Variants in ADGRB2 observed in about 807,000 individuals in gnomAD.
The protein encoded by ADGRB2 is brain-specific angiogenesis inhibitor 2.
Under a neutral mutation model 178.7 loss-of-function variants are expected in ADGRB2, and 47 were observed. The observed-to-expected ratio is 0.26, with a 90% CI of 0.21 to 0.34. ADGRB2 has a LOEUF of 0.34. Among genes scored for constraint, ADGRB2 ranks in the 10% least tolerant of loss-of-function variants. The probability of loss-of-function intolerance (pLI) is 1.00; values close to 1 mark genes in which losing one functional copy is unlikely to be tolerated. For synonymous variants in ADGRB2, 870 were observed against 912.4 expected (o/e 0.95, Z 0.84); for missense variants, 1,584 against 2,180.8 (o/e 0.73, Z 5.45).
intron 4 of ADGRB2, among the ~76,000 whole-genome samples, chr1:31,747,332 C>A (rs1047003329): frequency 6.6e-6 from 1 of 152,148 alleles, no homozygotes; most frequent in Non-Finnish European, 1.5e-5. Flanking sequence ...GCTCCCAAAT[C>A]ATCATCCCCA....
intron 17 of ADGRB2, 69 bp downstream of exon 17, chr1:31,738,518 G>C: frequency 6.4e-7 from 1 of 1,555,324 alleles, no homozygotes; most frequent in African/African-American, 1.4e-5. Context: ...CTTTTAGGCA[G>C]GAGACCCCTT....
chr1:31,751,285 A>C (rs1425915452), intron 4 of ADGRB2, among the ~76,000 whole-genome samples: 1 of 152,206 alleles, frequency 6.6e-6, no homozygotes, highest in Non-Finnish European at 1.5e-5. Context: ...GCGGCTCACA[A>C]ATGTGCCATT....
rs781095810 is a variant in ADGRB2 at position 31,737,634 on chromosome 1, G to T, written c.2876+18C>A. 12 of 1,613,350 alleles carry T rather than the reference G, an allele frequency of 7.4e-6. No homozygotes were observed. The highest frequency in any genetic ancestry group is 1.0e-5 in the Non-Finnish European group (12 of 1,179,448). ...TGCCCCCCCTCCCCCAGCCACAAGA[G>T]CCAGGTGTCAGACCTACCTCCAAAA... On this transcript the variant is annotated intron_variant, in intron 19 of 32. Coordinates refer to ENST00000373658, the MANE Select transcript of ADGRB2 (RefSeq NM_001364857.2).
chr1:31,763,952 A>C lies in ADGRB2; in HGVS notation c.-259T>G. The C allele has an allele frequency of 1.0e-6, 1 of 985,046 alleles. No homozygotes were observed. Among genetic ancestry groups the C allele is most frequent in the Non-Finnish European group, 1.2e-6 (1 of 829,890 alleles). The allele number at this position is 985,046 out of a possible 1,614,324, so 61.0% of individuals were successfully genotyped here. A position where few individuals can be genotyped will look rare whatever the true frequency, so the allele number is the denominator to read the frequency against. On this transcript the variant is annotated 5_prime_UTR_variant, in exon 1 of 33. The change abolishes an upstream ATG in the 5' untranslated region. Transcript: ENST00000373658. The stretch of plus-strand genomic sequence containing the variant: ...GGCGGCCACGGGGCGCAAGTTTGCC[A>C]TCCCTAAGTCGGGGACCGGGCCGGG...
In ADGRB2 at chr1:31,742,975, G is replaced by A. The variant is rs1189287708; in HGVS notation, c.1115C>T (p.Ser372Phe). 2 of 1,528,802 alleles carry A rather than the reference G, an allele frequency of 1.3e-6. No individual in the cohort carries two copies. Among genetic ancestry groups the A allele is most frequent in the Non-Finnish European group, 8.8e-7 (1 of 1,136,668 alleles). The allele number at this position is 1,528,802 out of a possible 1,614,324, so 94.7% of individuals were successfully genotyped here. A position where few individuals can be genotyped will look rare whatever the true frequency, so the allele number is the denominator to read the frequency against. Residue 372 changes from serine (S) to phenylalanine (F), a missense_variant, in exon 7 of 33, where the codon TCC becomes TTC. Ser to Phe is a radical substitution (Grantham distance 155). Transcript: ENST00000373658. ...GCAGCTGCGGGAGCACAGGCTCCAGGACCCCCACTCCTCCCACACGCCGTG... is the reference window on the plus strand; with the variant it reads ...GCAGCTGCGGGAGCACAGGCTCCAGAACCCCCACTCCTCCCACACGCCGTG... ...PVHGVWEEWG[S>F]WSLCSRSCGR...
chr1:31,747,812 T>C (rs900224305), intron 4 of ADGRB2, among the ~76,000 whole-genome samples: 2 of 152,242 alleles, frequency 1.3e-5, no homozygotes, highest in African/African-American at 4.8e-5. Flanking sequence ...TTTGTAATCT[T>C]GACTCCCCAT....
At position 31,759,428 on chromosome 1, in the gene ADGRB2, C is replaced by A; in HGVS notation, c.-190-1917G>T. 1 of 776,514 alleles carries A rather than the reference C, an allele frequency of 1.3e-6. No individual in the cohort carries two copies. Among genetic ancestry groups the A allele is most frequent in the Non-Finnish European group, 2.4e-6 (1 of 416,116 alleles). 48.1% of individuals were successfully genotyped at this position (776,514 alleles called of 1,614,324 possible). A position where few individuals can be genotyped will look rare whatever the true frequency, so the allele number is the denominator to read the frequency against. On this transcript the variant is annotated intron_variant, in intron 1 of 32. Transcript: ENST00000373658. This position sits in a 1 kb window ranked among gnomAD's most constrained non-coding sequence, Gnocchi z 4.3. ...TGAAGCTGGATCTCCCTCCCCTACC[C>A]TGCTCCTAGGCTGCTGCTCCCTACT...
rs1195661982 is a variant in ADGRB2, at chr1:31,754,346, G to A, written c.838+1653C>T. Among the ~76,000 whole-genome samples the A allele has an allele frequency of 2.0e-5, 3 of 152,270 alleles. No individual in the cohort carries two copies. The highest frequency in any genetic ancestry group is 4.4e-5 in the Non-Finnish European group (3 of 68,050). On this transcript the variant is annotated intron_variant, in intron 4 of 32. Coordinates refer to ENST00000373658, the MANE Select transcript of ADGRB2 (RefSeq NM_001364857.2). The surrounding 1 kb of genome is among the most constrained non-coding windows in gnomAD (Gnocchi z 5.7). ...TCCGTCCACTGCAGATCACTGGACC[G>A]ATGGACCGCAGGGAAAGCCAGACAA...
chr1:31,755,212 A>G lies in ADGRB2; in HGVS notation c.838+787T>C, dbSNP rs374062433. On this transcript the variant is annotated intron_variant, in intron 4 of 32. Transcript: ENST00000373658. The surrounding 1 kb of genome is among the most constrained non-coding windows in gnomAD (Gnocchi z 5.1). ...TCAGCGGGCACACAGGATCCAGCTG[A>G]GGCCCTCAGGGCCTTGAAGCTGCAG... 6.8e-4 allele frequency among the ~76,000 whole-genome samples: 104 copies of G among 152,298 alleles called. 1 individual carries two copies. The East Asian group carries it at 0.017, about 25-fold the overall frequency.
At chr1:31,739,127 A>G in intron 15 of ADGRB2, 181 bp downstream of exon 15, 1 of 875,544 alleles carries the variant, frequency 1.1e-6, no homozygotes, top group Non-Finnish European at 1.7e-6. Context: ...GTGGCAGCCC[A>G]GCCTCTGAGA....
chr1:31,735,134 A>AATACAT lies in ADGRB2; in HGVS notation c.3452+48_3452+49insATGTAT. ...CCCACCATGGGCACTGCCCCCCCCA[A>AATACAT]TTCCTTTGCCCCACCCACCCCCACC... On this transcript the variant is annotated intron_variant, in intron 25 of 32. Transcript: ENST00000373658. This position sits in a 1 kb window ranked among gnomAD's most constrained non-coding sequence, Gnocchi z 6.0. 4 of 888,082 alleles carry AATACAT rather than the reference A, an allele frequency of 4.5e-6. No homozygotes were observed. Among genetic ancestry groups the AATACAT allele is most frequent in the Non-Finnish European group, 6.3e-6 (4 of 636,352 alleles). 55.0% of individuals were successfully genotyped at this position (888,082 alleles called of 1,614,324 possible). A position where few individuals can be genotyped will look rare whatever the true frequency, so the allele number is the denominator to read the frequency against.
rs563609420 is a variant in ADGRB2 at position 31,753,486 on chromosome 1, T to C, written c.838+2513A>G. Among the ~76,000 whole-genome samples the C allele has an allele frequency of 6.6e-6, 1 of 152,302 alleles. No homozygotes were observed. The highest frequency in any genetic ancestry group is 2.1e-4 in the South Asian group (1 of 4,828). On this transcript the variant is annotated intron_variant, in intron 4 of 32. Coordinates refer to ENST00000373658, the MANE Select transcript of ADGRB2 (RefSeq NM_001364857.2). The surrounding 1 kb of genome is among the most constrained non-coding windows in gnomAD (Gnocchi z 4.1). The stretch of plus-strand genomic sequence containing the variant: ...AAGCCCACCCTGCTAGGCCTCACTG[T>C]GGATCTTCCTCGGGGGTGTCCCAGA...
chr1:31,739,634 C>G lies in ADGRB2; in HGVS notation c.2169G>C (p.Val723=), dbSNP rs550818142. ...QSSLIVTDNL[V]ISIQREPVSA... is the part of the protein sequence containing the mutation. Reference sequence around the variant, plus strand: ...AGACGGGCTCTCGCTGAATGCTGATCACTGCAGTGGGAGGAGGGTGGACAG... The same window carrying G: ...AGACGGGCTCTCGCTGAATGCTGATGACTGCAGTGGGAGGAGGGTGGACAG... The change falls in exon 15 of 33, where the codon GTG becomes GTC. Residue 723 remains valine (V), a splice_region_variant and synonymous_variant. Coordinates refer to ENST00000373658, the MANE Select transcript of ADGRB2 (RefSeq NM_001364857.2). 4 of 1,581,072 alleles carry G rather than the reference C, an allele frequency of 2.5e-6. No individual in the cohort carries two copies. The South Asian group carries it at 4.7e-5, about 18-fold the overall frequency.
Position 31,756,829 on chromosome 1 carries a change from C to T in ADGRB2, c.22-14G>A. On this transcript the variant is annotated splice_polypyrimidine_tract_variant and intron_variant, in intron 3 of 32. Transcript: ENST00000373658. The surrounding 1 kb of genome is among the most constrained non-coding windows in gnomAD (Gnocchi z 8.5). ...ATGTCCCTTGCCCTGTGGAGAGAGACAGTGGTCAGCGGGCCCCCAGCACAG... is the reference window on the plus strand; with the variant it reads ...ATGTCCCTTGCCCTGTGGAGAGAGATAGTGGTCAGCGGGCCCCCAGCACAG... The T allele has an allele frequency of 6.9e-7, 1 of 1,455,378 alleles. No individual in the cohort carries two copies. Among genetic ancestry groups the T allele is most frequent in the Non-Finnish European group, 9.1e-7 (1 of 1,101,236 alleles). 90.2% of individuals were successfully genotyped at this position (1,455,378 alleles called of 1,614,324 possible).
At chr1:31,737,365 C>T (rs755806643) in intron 20 of ADGRB2, 64 bp downstream of exon 20, 519 of 1,443,366 alleles carry the variant, frequency 3.6e-4, no homozygotes, top group Non-Finnish European at 4.8e-4. Flanking sequence ...ACACACACTG[C>T]GCTCTCCACC....
chr1:31,732,466 G>A, intron 27 of ADGRB2, 51 bp downstream of exon 27: 1 of 1,587,724 alleles, frequency 6.3e-7, no homozygotes, highest in Non-Finnish European at 8.6e-7. Flanking sequence ...GGAGGATTGG[G>A]GTGGGGGGTG....
In ADGRB2 at chr1:31,740,929, T is replaced by TACACACACA. The variant is rs1557760334; in HGVS notation, c.1795-389_1795-388insTGTGTGTGT. On this transcript the variant is annotated intron_variant, in intron 11 of 32. Transcript: ENST00000373658. The surrounding 1 kb of genome is among the most constrained non-coding windows in gnomAD (Gnocchi z 5.9). ...CACACACACACACACACACACACTGTCTTTCTCTCTCTCACTCTCTCTCAA... is the reference window on the plus strand; with the variant it reads ...CACACACACACACACACACACACTGTACACACACACTTTCTCTCTCTCACTCTCTCTCAA... Among the ~76,000 whole-genome samples the TACACACACA allele has an allele frequency of 5.3e-5, 5 of 93,770 alleles. No homozygotes were observed. The highest frequency in any genetic ancestry group is 3.2e-4 in the Admixed American group (3 of 9,420). The allele number at this position is 93,770 out of a possible 152,430, so 61.5% of individuals were successfully genotyped here. A position where few individuals can be genotyped will look rare whatever the true frequency, so the allele number is the denominator to read the frequency against.
In ADGRB2 at chr1:31,757,536, A is replaced by G. The variant is rs537964045; in HGVS notation, c.-190-25T>C. ...CCTGGTTGGAATAAGGGGGAGAGGCACCGAGTAAGGGGACATTGGGCTTGA... is the reference window on the plus strand; with the variant it reads ...CCTGGTTGGAATAAGGGGGAGAGGCGCCGAGTAAGGGGACATTGGGCTTGA... On this transcript the variant is annotated intron_variant, in intron 1 of 32. Transcript: ENST00000373658. 1.8e-5 allele frequency: 7 copies of G among 378,998 alleles called. No individual in the cohort carries two copies. The South Asian group carries it at 2.0e-4, about 11-fold the overall frequency. 23.5% of individuals were successfully genotyped at this position (378,998 alleles called of 1,614,324 possible).
intron 29 of ADGRB2, among the ~76,000 whole-genome samples, chr1:31,730,488 A>G (rs1645223054): frequency 6.6e-6 from 1 of 152,206 alleles, no homozygotes. Context: ...GCAGAGGCCC[A>G]GGCTCACACA....
Sources: allele counts gnomAD v4.1 joint callset (sites outside exome capture counted in the v4.1 genomes callset), GRCh38; gene constraint gnomAD v4.1.1; non-coding constraint Gnocchi (gnomAD v3.1); transcripts MANE v1.5; gene names NCBI Gene and HGNC (gene_info 2026-07-23, HGNC 2026-07-21).